The following KYNU variants were observed in gnomAD, a reference collection of about 807,000 sequenced individuals.
KYNU encodes L-kynurenine hydrolase.
KYNU carries 54 observed loss-of-function variants against 59.2 expected under a neutral mutation model. The ratio of observed to expected loss-of-function variants is 0.91; its 90% CI spans 0.73 to 1.14. The LOEUF is 1.14. KYNU is among the 50% of genes most tolerant of loss of function. KYNU has a pLI of 0.00. For missense variants in KYNU, 567 were observed against 554.4 expected (o/e 1.02, Z -0.23); for synonymous variants, 177 against 192.0 (o/e 0.92, Z 0.65).
At chr2:143,000,370 G>A (rs1473372978) in intron 10 of KYNU, among the ~76,000 whole-genome samples, 3 of 152,098 alleles carry the variant, frequency 2.0e-5, no homozygotes, top group African/African-American at 7.2e-5. Flanking sequence ...ACTACTCATT[G>A]TTAGAGAATT....
At chr2:143,013,158 G>A (rs1252440926) in intron 10 of KYNU, among the ~76,000 whole-genome samples, 1 of 151,986 alleles carries the variant, frequency 6.6e-6, no homozygotes, top group Non-Finnish European at 1.5e-5. Context: ...ACCACACCTG[G>A]CTCTGGCTTA....
intron 2 of KYNU, among the ~76,000 whole-genome samples, chr2:142,917,245 A>G (rs1682695688): frequency 6.6e-6 from 1 of 152,198 alleles, no homozygotes; most frequent in African/African-American, 2.4e-5. Flanking sequence ...AAGATGTGCA[A>G]CAGAATCCAC....
At chr2:143,018,522 C>T (rs913102013) in intron 10 of KYNU, among the ~76,000 whole-genome samples, 18 of 152,134 alleles carry the variant, frequency 1.2e-4, no homozygotes, top group African/African-American at 4.3e-4. Flanking sequence ...CAGTATCATG[C>T]CATTTTGATT....
At chr2:143,027,516 C>G (rs1423405098) in intron 10 of KYNU, among the ~76,000 whole-genome samples, 1 of 152,170 alleles carries the variant, frequency 6.6e-6, no homozygotes, top group African/African-American at 2.4e-5. Context: ...CCTTTATAAA[C>G]TGCCTGTCCC....
chr2:143,016,906 T>C (rs1409401838), intron 10 of KYNU, among the ~76,000 whole-genome samples: 1 of 152,156 alleles, frequency 6.6e-6, no homozygotes, highest in Non-Finnish European at 1.5e-5. Context: ...CTCCTCGCTT[T>C]AGTAGTCCGC....
At position 142,904,777 on chromosome 2, in the gene KYNU, C is replaced by G. The variant is rs542135624; in HGVS notation, c.170-13832C>G. Among the ~76,000 whole-genome samples, 134 of 152,286 alleles carry G rather than the reference C, an allele frequency of 8.8e-4. 1 individual carries two copies. Among genetic ancestry groups the G allele is most frequent in the Non-Finnish European group, 1.4e-3 (96 of 68,026 alleles). The stretch of plus-strand genomic sequence containing the variant: ...TAGTTCTACAGTGTTCTCTATGGTC[C>G]TTTCCACGGTGTGTAACCACCCATG... On this transcript the variant is annotated intron_variant, in intron 2 of 13. Coordinates refer to ENST00000264170, the MANE Select transcript of KYNU (RefSeq NM_003937.3).
intron 12 of KYNU, among the ~76,000 whole-genome samples, chr2:143,035,086 T>C (rs1314450900): frequency 1.3e-5 from 2 of 152,220 alleles, no homozygotes; most frequent in South Asian, 2.1e-4. Context: ...AAGTTTTTAT[T>C]TTCAGTTATA....
chr2:142,989,211 C>T (rs1448026945), intron 10 of KYNU: 2 of 344,450 alleles, frequency 5.8e-6, no homozygotes, highest in South Asian at 4.0e-5. Flanking sequence ...TTTGAGTAAA[C>T]TTTAGAGTCT....
intron 4 of KYNU, chr2:142,947,835 G>A (rs1016759126): frequency 6.6e-6 from 1 of 152,322 alleles, no homozygotes; most frequent in African/African-American, 2.4e-5. Context: ...GAAATACCAT[G>A]GGCATCATGA....
In KYNU at chr2:143,051,871, G is replaced by A. The variant is rs1489762061; in HGVS notation, c.*9699G>A. 1 of 152,352 alleles carries A rather than the reference G, an allele frequency of 6.6e-6. No homozygotes were observed. Among genetic ancestry groups the A allele is most frequent in the African/African-American group, 2.4e-5 (1 of 41,448 alleles). The allele number at this position is 152,352 out of a possible 1,614,324, so 9.4% of individuals were successfully genotyped here. A position where few individuals can be genotyped will look rare whatever the true frequency, so the allele number is the denominator to read the frequency against. On this transcript the variant is annotated 3_prime_UTR_variant, in exon 14 of 14. Transcript: ENST00000264170. ...CACTGCTGAAAAGGTACCCGAATAT[G>A]TGGAAGCAACTTTAAACTGGGTAAC...
chr2:142,980,992 C>A (rs1488404281), intron 8 of KYNU, among the ~76,000 whole-genome samples: 3 of 152,052 alleles, frequency 2.0e-5, no homozygotes, highest in Non-Finnish European at 4.4e-5. Context: ...TCTAGTGACA[C>A]TTTTGTGAAA....
At chr2:143,034,501 A>T in intron 12 of KYNU, among the ~76,000 whole-genome samples, 1 of 152,298 alleles carries the variant, frequency 6.6e-6, no homozygotes, top group Non-Finnish European at 1.5e-5. Context: ...AAATTTCACC[A>T]CTGGATAGTG....
intron 8 of KYNU, among the ~76,000 whole-genome samples, chr2:142,983,794 A>C (rs1685117943): frequency 6.6e-6 from 1 of 152,090 alleles, no homozygotes; most frequent in Non-Finnish European, 1.5e-5. Flanking sequence ...CATAAGCAAA[A>C]TATTGTTATA....
chr2:142,884,808 G>A (rs1179538715), intron 1 of KYNU, among the ~76,000 whole-genome samples: 2 of 147,114 alleles, frequency 1.4e-5, no homozygotes, highest in Non-Finnish European at 3.0e-5. Context: ...CTGGGTTCAA[G>A]CGATTCTCCT....
At chr2:142,906,223 C>G (rs954432506) in intron 2 of KYNU, among the ~76,000 whole-genome samples, 7 of 152,204 alleles carry the variant, frequency 4.6e-5, no homozygotes, top group Non-Finnish European at 8.8e-5. Context: ...ACTCAATTTG[C>G]TTTCATCCTG....
chr2:142,947,997 T>A (rs1043044792), intron 4 of KYNU: 3 of 152,216 alleles, frequency 2.0e-5, no homozygotes, highest in African/African-American at 7.2e-5. Context: ...TAGTTGCCTC[T>A]ATTTTCTCAA....
chr2:142,906,088 CTCTCATCTCTGTCTCTCTCTCTG>C (rs1286480565), intron 2 of KYNU, among the ~76,000 whole-genome samples: 4 of 151,892 alleles, frequency 2.6e-5, no homozygotes, highest in Non-Finnish European at 5.9e-5. Flanking sequence ...CTCTCTCTCT[CTCTCATCTCTGTCTCTCTCTCTG>C]TCTCCTCTCT....
Position 142,985,193 on chromosome 2 carries a change from G to A in KYNU, c.828+11G>A, listed in dbSNP as rs1275783425. Reference sequence around the variant, plus strand: ...TGGTGTTCCTACAAGGTACAAACGAGTTAATACATTTACATCCCTTTATTT... The same window carrying A: ...TGGTGTTCCTACAAGGTACAAACGAATTAATACATTTACATCCCTTTATTT... On this transcript the variant is annotated intron_variant, in intron 9 of 13. Transcript: ENST00000264170. 6.7e-7 allele frequency: 1 copy of A among 1,489,162 alleles called. No homozygotes were observed. 92.2% of individuals were successfully genotyped at this position (1,489,162 alleles called of 1,614,324 possible).
intron 2 of KYNU, among the ~76,000 whole-genome samples, chr2:142,893,554 A>G (rs781579816): frequency 1.3e-4 from 20 of 152,216 alleles, no homozygotes; most frequent in Non-Finnish European, 2.8e-4. Context: ...CTTTTCCAAG[A>G]AACCTTGCTG....
Sources: gnomAD v4.1 joint callset for allele counts (sites outside exome capture counted in the v4.1 genomes callset) on GRCh38, gnomAD v4.1.1 for gene constraint, MANE v1.5 for transcripts, NCBI Gene and HGNC (gene_info 2026-07-23, HGNC 2026-07-21) for gene names.